Variants in SEMA5A observed in about 807,000 individuals in gnomAD.
The protein encoded by SEMA5A is semaphorin-5A.
SEMA5A carries 55 observed loss-of-function variants against 135.5 expected under a neutral mutation model. The observed-to-expected ratio is 0.41, with a 90% confidence interval of 0.33 to 0.51. The LOEUF (loss-of-function observed/expected upper bound fraction) is 0.51, where lower values mean the gene tolerates loss of function less well. Ranked by LOEUF, SEMA5A falls within the 20% of genes least tolerant of loss-of-function variation. The pLI is 0.37. For missense variants in SEMA5A, 1,290 were observed against 1,419.9 expected (o/e 0.91, Z 1.47); for synonymous variants, 580 against 546.5 (o/e 1.06, Z -0.85).
intron 1 of SEMA5A, among the ~76,000 whole-genome samples, chr5:9,464,209 G>A (rs1226563513): frequency 2.0e-5 from 3 of 152,158 alleles, no homozygotes; most frequent in Non-Finnish European, 2.9e-5. Context: ...AAAAGCCACT[G>A]TGTTAGATCC....
intron 1 of SEMA5A, among the ~76,000 whole-genome samples, chr5:9,495,440 T>G (rs1316300943): frequency 1.3e-5 from 2 of 152,194 alleles, no homozygotes; most frequent in African/African-American, 4.8e-5. Flanking sequence ...CAAGACAGCT[T>G]GGTTCTCTGT....
At chr5:9,230,869 G>A (rs918159823) in intron 6 of SEMA5A, among the ~76,000 whole-genome samples, 6 of 152,082 alleles carry the variant, frequency 3.9e-5, no homozygotes, top group Admixed American at 1.3e-4. Flanking sequence ...GGAGGTGGGT[G>A]GTATTCGAGT....
chr5:9,246,617 A>G (rs1461212276), intron 5 of SEMA5A, among the ~76,000 whole-genome samples: 1 of 152,212 alleles, frequency 6.6e-6, no homozygotes, highest in Admixed American at 6.5e-5. Context: ...TCCAAAAGGA[A>G]TAAGTTGATT....
intron 9 of SEMA5A, among the ~76,000 whole-genome samples, chr5:9,200,876 C>T (rs1745667109): frequency 6.6e-6 from 1 of 152,130 alleles, no homozygotes; most frequent in Non-Finnish European, 1.5e-5. Context: ...GCAGAAAGGA[C>T]ATCATAGGGT....
At chr5:9,399,041 T>C (rs1257456337) in intron 2 of SEMA5A, among the ~76,000 whole-genome samples, 1 of 152,244 alleles carries the variant, frequency 6.6e-6, no homozygotes, top group African/African-American at 2.4e-5. Flanking sequence ...AGTGCTAAGA[T>C]AGTTACCTCT....
chr5:9,438,867 T>C (rs1298881212), intron 1 of SEMA5A, among the ~76,000 whole-genome samples: 1 of 152,066 alleles, frequency 6.6e-6, no homozygotes, highest in African/African-American at 2.4e-5. Context: ...CTGCAGAAAA[T>C]GAACTGAACG....
chr5:9,377,264 T>G (rs1192513080), intron 3 of SEMA5A, among the ~76,000 whole-genome samples: 1 of 152,168 alleles, frequency 6.6e-6, no homozygotes. Context: ...TATTTGTATG[T>G]GTGTGTGTTG....
chr5:9,077,126 T>G (rs1420508081), intron 16 of SEMA5A, among the ~76,000 whole-genome samples: 1 of 152,130 alleles, frequency 6.6e-6, no homozygotes, highest in Admixed American at 6.5e-5. Context: ...CATCCAATCC[T>G]CTGCAAAACA....
rs539878584 is a variant in SEMA5A at position 9,348,755 on chromosome 5, T to A, written c.125-10943A>T. Among the ~76,000 whole-genome samples, 5 of 152,336 alleles carry A rather than the reference T, an allele frequency of 3.3e-5. No homozygotes were observed. In the South Asian group the frequency reaches 1.0e-3, roughly 32 times the overall value. ...TAGATTATTCCAGAAGTGGCCAAAG[T>A]GCTGGCTGTGTAAACAGTGATAGCC... On this transcript the variant is annotated intron_variant, in intron 3 of 22. Coordinates refer to ENST00000382496, the MANE Select transcript of SEMA5A (RefSeq NM_003966.3).
At chr5:9,179,352 A>C (rs1744379463) in intron 11 of SEMA5A, among the ~76,000 whole-genome samples, 1 of 152,194 alleles carries the variant, frequency 6.6e-6, no homozygotes, top group South Asian at 2.1e-4. Flanking sequence ...AATCATGTGA[A>C]ACCTGAGAGG....
chr5:9,178,314 T>G (rs1416459764), intron 11 of SEMA5A, among the ~76,000 whole-genome samples: 1 of 149,552 alleles, frequency 6.7e-6, no homozygotes, highest in Non-Finnish European at 1.5e-5. Flanking sequence ...AAGCTCTCTT[T>G]CTTTTTTTTT....
rs1332782300 is a variant in SEMA5A, at chr5:9,449,023, C to T, written c.-174-11171G>A. On this transcript the variant is annotated intron_variant, in intron 1 of 22. Transcript: ENST00000382496. ...AAGACAGGTGGCGATTCCTCAAAGACCTAGAGGCAGAAATACCATTTGACC... is the reference window on the plus strand; with the variant it reads ...AAGACAGGTGGCGATTCCTCAAAGATCTAGAGGCAGAAATACCATTTGACC... Among the ~76,000 whole-genome samples, 5 of 152,160 alleles carry T rather than the reference C, an allele frequency of 3.3e-5. No homozygotes were observed. The East Asian group carries it at 9.6e-4, about 29-fold the overall frequency.
intron 12 of SEMA5A, among the ~76,000 whole-genome samples, chr5:9,138,401 A>G (rs1390689748): frequency 1.3e-5 from 2 of 152,192 alleles, no homozygotes; most frequent in African/African-American, 4.8e-5. Context: ...TATGTTTTAT[A>G]TAATAATGAT....
intron 1 of SEMA5A, among the ~76,000 whole-genome samples, chr5:9,471,017 G>C (rs1453525814): frequency 6.6e-6 from 1 of 152,182 alleles, no homozygotes; most frequent in Non-Finnish European, 1.5e-5. Flanking sequence ...GCTTTCTCAA[G>C]TAGAGTAGGT....
chr5:9,132,244 T>C (rs1470298048), intron 13 of SEMA5A, among the ~76,000 whole-genome samples: 1 of 152,192 alleles, frequency 6.6e-6, no homozygotes, highest in Non-Finnish European at 1.5e-5. Context: ...GGGGGTCCCT[T>C]ATCCAATTCA....
At chr5:9,473,096 C>G (rs1292976783) in intron 1 of SEMA5A, among the ~76,000 whole-genome samples, 1 of 136,494 alleles carries the variant, frequency 7.3e-6, no homozygotes, top group Admixed American at 7.8e-5. Flanking sequence ...TACCCTAAAA[C>G]TTAAAGTATA....
intron 2 of SEMA5A, among the ~76,000 whole-genome samples, chr5:9,428,174 A>G (rs910951712): frequency 4.0e-5 from 6 of 150,140 alleles, no homozygotes; most frequent in African/African-American, 7.4e-5. Context: ...CTATCCATCC[A>G]TCCATCCATC....
intron 16 of SEMA5A, among the ~76,000 whole-genome samples, chr5:9,086,834 A>C (rs934095457): frequency 2.4e-4 from 37 of 152,216 alleles, no homozygotes; most frequent in African/African-American, 8.9e-4. Flanking sequence ...TTCTGAACTT[A>C]ATTTATTTCT....
At chr5:9,440,306 A>C (rs963397124) in intron 1 of SEMA5A, among the ~76,000 whole-genome samples, 3 of 152,256 alleles carry the variant, frequency 2.0e-5, no homozygotes, top group Non-Finnish European at 4.4e-5. Context: ...AGGCAAAGAA[A>C]CTACAAAGCC....
Sources: gnomAD v4.1 joint callset for allele counts (sites outside exome capture counted in the v4.1 genomes callset) on GRCh38, gnomAD v4.1.1 for gene constraint, MANE v1.5 for transcripts, NCBI Gene and HGNC (gene_info 2026-07-23, HGNC 2026-07-21) for gene names.